Variants in ZNF282 observed in about 807,000 individuals in gnomAD.
The protein encoded by ZNF282 is HTLV-I U5 repressive element-binding protein 1.
ZNF282 carries 30 observed loss-of-function variants against 61.9 expected under a neutral mutation model. The ratio of observed to expected loss-of-function variants is 0.48; its 90% CI spans 0.36 to 0.66. ZNF282 has a LOEUF of 0.66. Among genes scored for constraint, ZNF282 ranks in the 30% least tolerant of loss-of-function variants. ZNF282 has a pLI of 0.00. For missense variants in ZNF282, 788 were observed against 941.4 expected (o/e 0.84, Z 2.13); for synonymous variants, 396 against 405.0 (o/e 0.98, Z 0.27).
chr7:149,202,939 C>G (rs767046599), intron 2 of ZNF282, among the ~76,000 whole-genome samples: 17 of 152,078 alleles, frequency 1.1e-4, no homozygotes, highest in Non-Finnish European at 1.9e-4. Context: ...AGCTTCCTGG[C>G]AGGGACTGGG....
intron 7 of ZNF282, among the ~76,000 whole-genome samples, chr7:149,218,202 C>CG (rs995923439): frequency 1.3e-5 from 2 of 151,244 alleles, no homozygotes; most frequent in African/African-American, 2.4e-5. Context: ...AGTGGATTGG[C>CG]GGGGGGTGCG....
At chr7:149,207,284 C>A in intron 3 of ZNF282, 67 bp from the exon 4 acceptor site, 1 of 1,537,588 alleles carries the variant, frequency 6.5e-7, no homozygotes. Flanking sequence ...GGAGAGTTCT[C>A]CCTTCCCCTT....
In ZNF282 at chr7:149,214,499, G is replaced by A. The variant is rs555904187; in HGVS notation, c.1180+685G>A. On this transcript the variant is annotated intron_variant, in intron 7 of 7. Coordinates refer to ENST00000610704, the MANE Select transcript of ZNF282 (RefSeq NM_003575.4). Reference sequence around the variant, plus strand: ...GGGAGATTGCTGAGCCAGTGTGCCCGAGGCAGTTGACAGCAGCAGGTGGCT... The same window carrying A: ...GGGAGATTGCTGAGCCAGTGTGCCCAAGGCAGTTGACAGCAGCAGGTGGCT... 3.9e-5 allele frequency among the ~76,000 whole-genome samples: 6 copies of A among 152,192 alleles called. No individual in the cohort carries two copies. The East Asian group carries it at 7.7e-4, about 20-fold the overall frequency.
intron 2 of ZNF282, among the ~76,000 whole-genome samples, chr7:149,200,438 A>G (rs1474581121): frequency 6.6e-6 from 1 of 151,548 alleles, no homozygotes; most frequent in East Asian, 1.9e-4. Flanking sequence ...GTCTTTTCCT[A>G]CCTCACCAGC....
chr7:149,196,346 C>CT (rs1795816192), intron 1 of ZNF282, among the ~76,000 whole-genome samples: 1 of 152,208 alleles, frequency 6.6e-6, no homozygotes, highest in South Asian at 2.1e-4. Flanking sequence ...TTGGAATGGC[C>CT]TGGGCAGCTT....
At chr7:149,207,837 C>T (rs912290977) in intron 4 of ZNF282, among the ~76,000 whole-genome samples, 1 of 152,232 alleles carries the variant, frequency 6.6e-6, no homozygotes, top group African/African-American at 2.4e-5. Context: ...GGGGTTTCGC[C>T]CCGGCCCGTC....
chr7:149,195,555 C>T lies in ZNF282; in HGVS notation c.-35C>T, dbSNP rs1795799087. ...GCGCCTGGAAAACGTTCTTCTTCTC[C>T]CTGGCCGACCCGAGCGGGGAACAGC... On this transcript the variant is annotated 5_prime_UTR_variant, in exon 1 of 8. Transcript: ENST00000610704. 3 of 1,603,404 alleles carry T rather than the reference C, an allele frequency of 1.9e-6. No individual in the cohort carries two copies. The highest frequency in any genetic ancestry group is 3.4e-5 in the Admixed American group (2 of 59,596).
At chr7:149,204,025 C>T (rs754606939) in intron 2 of ZNF282, among the ~76,000 whole-genome samples, 3 of 152,084 alleles carry the variant, frequency 2.0e-5, no homozygotes, top group Non-Finnish European at 4.4e-5. Flanking sequence ...CTCAGAGTCC[C>T]ATGAGGTTAC....
rs754972239 is a variant in ZNF282, at chr7:149,198,310, T to C, written c.166-23T>C. 3.0e-5 allele frequency: 47 copies of C among 1,575,590 alleles called. No individual in the cohort carries two copies. The highest frequency in any genetic ancestry group is 4.1e-5 in the Non-Finnish European group (47 of 1,158,490). The stretch of plus-strand genomic sequence containing the variant: ...TCACACAAGGTCTCATCCTGGGTTG[T>C]CGCTTTCTCCCTCTGCATACAGGCT... On this transcript the variant is annotated intron_variant, in intron 1 of 7. Coordinates refer to ENST00000610704, the MANE Select transcript of ZNF282 (RefSeq NM_003575.4). The surrounding 1 kb of genome is among the most constrained non-coding windows in gnomAD (Gnocchi z 4.3).
Position 149,210,651 on chromosome 7 carries a change from T to C in ZNF282, c.899T>C (p.Val300Ala). Residue 300 changes from valine to alanine, a missense_variant, in exon 5 of 8, where the codon GTC becomes GCC. By Grantham distance (64) the Val-to-Ala change is moderately conservative (BLOSUM62 0). Transcript: ENST00000610704. ...GTGAAGCGTGAGGACACCCTGTGTG[T>C]CCGGGGTCAGCGGGGCCTGGAGGAA... ...SQVKREDTLC[V>A]RGQRGLEERA... 4 of 1,611,324 alleles carry C rather than the reference T, an allele frequency of 2.5e-6. No individual in the cohort carries two copies. Among genetic ancestry groups the C allele is most frequent in the Non-Finnish European group, 3.4e-6 (4 of 1,179,126 alleles).
At chr7:149,204,623 G>A (rs769937833) in intron 2 of ZNF282, among the ~76,000 whole-genome samples, 44 of 152,168 alleles carry the variant, frequency 2.9e-4, no homozygotes, top group Admixed American at 2.4e-3. Flanking sequence ...GGAGCTTGCC[G>A]GCGCCTACCT....
At chr7:149,196,014 G>A (rs773601369) in intron 1 of ZNF282, among the ~76,000 whole-genome samples, 2 of 151,370 alleles carry the variant, frequency 1.3e-5, no homozygotes, top group African/African-American at 4.8e-5. Context: ...CGGAGGCCCC[G>A]CGGGGCGGGG....
intron 4 of ZNF282, 90 bp downstream of exon 4, chr7:149,207,560 TGTGTGCACCATGGGGCGAGG>T: frequency 6.6e-7 from 1 of 1,516,462 alleles, no homozygotes; most frequent in South Asian, 1.3e-5. Context: ...GGCGCCACTG[TGTGTGCACCATGGGGCGAGG>T]GTCTTGGGTG....
At chr7:149,212,028 C>A (rs1013450523) in intron 5 of ZNF282, among the ~76,000 whole-genome samples, 45 of 152,130 alleles carry the variant, frequency 3.0e-4, no homozygotes, top group African/African-American at 8.2e-4. Context: ...TGGAAGTTTT[C>A]ATCTTTCCAG....
rs1167680020 is a variant in ZNF282 at position 149,198,385 on chromosome 7, C to T, written c.218C>T (p.Pro73Leu). 6.2e-7 allele frequency: 1 copy of T among 1,614,088 alleles called. No homozygotes were observed. The part of the protein sequence containing the change: ...ARRPMPFQFP[P>L]FPDRAPVFPD... ...CGGCCAATGCCTTTTCAGTTCCCAC[C>T]CTTTCCAGATAGGGCACCTGTCTTC... Residue 73 changes from proline to leucine, a missense_variant, in exon 2 of 8, where the codon CCC (proline) becomes CTC (leucine). Physicochemically the swap from Pro to Leu is moderately conservative, Grantham distance 98 (BLOSUM62 -3). Around this residue, in one of 3 missense-constraint regions of ZNF282, gnomAD observed 137 missense variants for 135.4 expected, o/e 1.01. Coordinates refer to ENST00000610704, the MANE Select transcript of ZNF282 (RefSeq NM_003575.4). This position sits in a 1 kb window ranked among gnomAD's most constrained non-coding sequence, Gnocchi z 4.3.
At chr7:149,199,482 C>T (rs1795875925) in intron 2 of ZNF282, among the ~76,000 whole-genome samples, 2 of 152,052 alleles carry the variant, frequency 1.3e-5, no homozygotes, top group African/African-American at 4.8e-5. Context: ...GGGCTATTCC[C>T]ACCAGCATGT....
At chr7:149,202,901 A>T (rs758854968) in intron 2 of ZNF282, among the ~76,000 whole-genome samples, 5 of 151,952 alleles carry the variant, frequency 3.3e-5, no homozygotes, top group Admixed American at 6.6e-5. Flanking sequence ...ATGTTTGTGG[A>T]GTGCCTCTCT....
Position 149,198,170 on chromosome 7 carries a change from G to T in ZNF282, c.166-163G>T, listed in dbSNP as rs1038888668. 6.6e-6 allele frequency among the ~76,000 whole-genome samples: 1 copy of T among 152,164 alleles called. No individual in the cohort carries two copies. The highest frequency in any genetic ancestry group is 2.4e-5 in the African/African-American group (1 of 41,434). ...AGTGTTGAGTTGGGTGGGTGGGTGA[G>T]TGGGTAGCTGTTGCTGGGGGTGTTA... On this transcript the variant is annotated intron_variant, in intron 1 of 7. Transcript: ENST00000610704. The surrounding 1 kb of genome is among the most constrained non-coding windows in gnomAD (Gnocchi z 4.3).
intron 5 of ZNF282, 173 bp from the exon 6 acceptor site, chr7:149,212,185 C>T (rs973193968): frequency 5.8e-6 from 3 of 513,620 alleles, no homozygotes; most frequent in Admixed American, 3.8e-5. Flanking sequence ...AGCAAAAGCT[C>T]CGTTAATTGG....
Sources: allele counts gnomAD v4.1 joint callset (sites outside exome capture counted in the v4.1 genomes callset), GRCh38; gene constraint gnomAD v4.1.1; regional missense constraint gnomAD v4.1.1; non-coding constraint Gnocchi (gnomAD v3.1); transcripts MANE v1.5; gene names NCBI Gene and HGNC (gene_info 2026-07-23, HGNC 2026-07-21).